The following APP variants were observed in gnomAD, a reference collection of about 807,000 sequenced individuals.
The protein encoded by APP is amyloid beta precursor protein.
A neutral mutation model predicts 101.4 loss-of-function variants in APP; 31 were observed. The observed-to-expected ratio is 0.31, with a 90% CI of 0.23 to 0.41. The LOEUF (loss-of-function observed/expected upper bound fraction) is 0.41, where lower values mean the gene tolerates loss of function less well. APP is among the 10% of genes least tolerant of loss of function. The pLI is 1.00. For synonymous variants in APP, 366 were observed against 364.4 expected (o/e 1.00, Z -0.05); for missense variants, 839 against 1,003.7 (o/e 0.84, Z 2.22).
intron 3 of APP, among the ~76,000 whole-genome samples, chr21:26,080,608 A>G (rs1195095050): frequency 6.6e-6 from 1 of 151,832 alleles, no homozygotes; most frequent in African/African-American, 2.4e-5. Flanking sequence ...CTCTACTAAA[A>G]ATACAAAAAA....
At chr21:26,001,049 T>C (rs1949358779) in intron 6 of APP, among the ~76,000 whole-genome samples, 1 of 152,194 alleles carries the variant, frequency 6.6e-6, no homozygotes, top group African/African-American at 2.4e-5. Flanking sequence ...TATTTATGTA[T>C]TAAAAATCTG....
At chr21:26,170,465 C>A in intron 1 of APP, 99 bp downstream of exon 1, 2 of 1,297,774 alleles carry the variant, frequency 1.5e-6, no homozygotes, top group Non-Finnish European at 2.1e-6. Context: ...CATTGACGGA[C>A]CCCCGGCTTC....
chr21:26,124,055 T>C (rs926602853), intron 1 of APP, among the ~76,000 whole-genome samples: 7 of 152,118 alleles, frequency 4.6e-5, no homozygotes, highest in Non-Finnish European at 2.9e-5. Flanking sequence ...CCCTACTCTT[T>C]AGCACTGGCC....
chr21:25,952,191 TACAC>T lies in APP; in HGVS notation c.1687+2395_1687+2398del, dbSNP rs57270357. ...GTGGATTGAGAGCATATTACATACA[TACAC>T]ACACACACACACACACACACACACA... is the stretch of plus-strand genomic sequence containing the variant. On this transcript the variant is annotated intron_variant, in intron 13 of 17. Transcript: ENST00000346798. Among the ~76,000 whole-genome samples the T allele has an allele frequency of 8.6e-3, 1,208 of 139,976 alleles. 9 individuals carry two copies. The highest frequency in any genetic ancestry group is 0.016 in the Admixed American group (219 of 14,056). 91.8% of individuals were successfully genotyped at this position (139,976 alleles called of 152,430 possible). A position where few individuals can be genotyped will look rare whatever the true frequency, so the allele number is the denominator to read the frequency against.
chr21:26,021,754 G>A (rs2146778848), intron 6 of APP, 86 bp downstream of exon 6: 1 of 1,527,204 alleles, frequency 6.5e-7, no homozygotes. Context: ...GGGGAAGGCA[G>A]TGGTGCTAGG....
intron 16 of APP, among the ~76,000 whole-genome samples, chr21:25,893,242 C>T (rs1342267446): frequency 1.3e-5 from 2 of 152,136 alleles, no homozygotes; most frequent in Non-Finnish European, 2.9e-5. Context: ...CACTCCACCC[C>T]CTCAACTCCC....
intron 6 of APP, among the ~76,000 whole-genome samples, chr21:26,001,318 T>C (rs1007052829): frequency 1.3e-5 from 2 of 152,202 alleles, no homozygotes; most frequent in African/African-American, 4.8e-5. Flanking sequence ...CTACCTCCCA[T>C]GTATATCCCA....
intron 3 of APP, among the ~76,000 whole-genome samples, chr21:26,067,660 C>T (rs1051319399): frequency 8.5e-5 from 13 of 152,102 alleles, no homozygotes; most frequent in Non-Finnish European, 1.9e-4. Flanking sequence ...CTCATCTCCC[C>T]CCATTTCTCT....
intron 11 of APP, among the ~76,000 whole-genome samples, chr21:25,965,131 A>T (rs1282511450): frequency 1.3e-5 from 2 of 152,240 alleles, no homozygotes; most frequent in African/African-American, 4.8e-5. Flanking sequence ...GAAAGGACAG[A>T]AAATGTTTGG....
At chr21:25,927,518 GA>G (rs1002203982) in intron 13 of APP, among the ~76,000 whole-genome samples, 2 of 152,150 alleles carry the variant, frequency 1.3e-5, no homozygotes, top group Non-Finnish European at 2.9e-5. Context: ...TTGACCTCCA[GA>G]AAATTAGGTC....
chr21:26,105,404 A>T (rs1311004101), intron 2 of APP, among the ~76,000 whole-genome samples: 1 of 152,210 alleles, frequency 6.6e-6, no homozygotes, highest in East Asian at 1.9e-4. Context: ...GAAAATATAA[A>T]AATAATACAA....
At chr21:26,125,053 G>C (rs1169353509) in intron 1 of APP, among the ~76,000 whole-genome samples, 1 of 152,220 alleles carries the variant, frequency 6.6e-6, no homozygotes, top group Non-Finnish European at 1.5e-5. Flanking sequence ...GTTTGACTTG[G>C]AGAAGGAGAA....
chr21:26,026,385 A>G (rs1229444298), intron 5 of APP, among the ~76,000 whole-genome samples: 1 of 152,218 alleles, frequency 6.6e-6, no homozygotes, highest in African/African-American at 2.4e-5. Flanking sequence ...GAGGAAATAA[A>G]TCACTGATGA....
intron 8 of APP, among the ~76,000 whole-genome samples, chr21:25,984,019 A>T (rs2042544159): frequency 6.6e-6 from 1 of 152,198 alleles, no homozygotes; most frequent in South Asian, 2.1e-4. Flanking sequence ...GCAGGACATG[A>T]TAGGAGAGCT....
At chr21:25,918,886 A>T (rs1393514823) in intron 13 of APP, among the ~76,000 whole-genome samples, 3 of 147,706 alleles carry the variant, frequency 2.0e-5, no homozygotes, top group Non-Finnish European at 4.5e-5. Context: ...ACCACAGCTC[A>T]AGGAGGCCTG....
chr21:26,124,213 C>A (rs533872677), intron 1 of APP, among the ~76,000 whole-genome samples: 4 of 152,090 alleles, frequency 2.6e-5, no homozygotes, highest in African/African-American at 9.6e-5. Context: ...AAAATAAATT[C>A]CACTTTAGAT....
Position 25,982,556 on chromosome 21 carries a change from G to A in APP, c.1091-79C>T, listed in dbSNP as rs41276548. ...TAATCCACTCGTTTAATAGAAAGCC[G>A]TATTTTCAGTTATTTCTCAGAACAG... On this transcript the variant is annotated intron_variant, in intron 8 of 17. Transcript: ENST00000346798. 2,793 of 1,387,292 alleles carry A rather than the reference G, an allele frequency of 2.0e-3. 7 individuals carry two copies. The highest frequency in any genetic ancestry group is 2.8e-3 in the South Asian group (237 of 83,508). The allele number at this position is 1,387,292 out of a possible 1,614,324, so 85.9% of individuals were successfully genotyped here. A position where few individuals can be genotyped will look rare whatever the true frequency, so the allele number is the denominator to read the frequency against.
intron 1 of APP, among the ~76,000 whole-genome samples, chr21:26,116,190 G>A (rs2062431340): frequency 6.6e-6 from 1 of 152,140 alleles, no homozygotes; most frequent in South Asian, 2.1e-4. Flanking sequence ...GCAAGAGGCT[G>A]TTTACCAAGT....
chr21:25,908,722 A>G (rs1250718805), intron 14 of APP, among the ~76,000 whole-genome samples: 2 of 149,890 alleles, frequency 1.3e-5, no homozygotes, highest in African/African-American at 2.4e-5. Flanking sequence ...ACTGACATTT[A>G]CTACGTTCCA....
Sources: gnomAD v4.1 joint callset for allele counts (sites outside exome capture counted in the v4.1 genomes callset) on GRCh38, gnomAD v4.1.1 for gene constraint, MANE v1.5 for transcripts, NCBI Gene and HGNC (gene_info 2026-07-23, HGNC 2026-07-21) for gene names.